RNF128: variants seen among roughly 807,000 people sequenced by gnomAD.
RNF128 encodes ring finger protein 128.
A neutral mutation model predicts 26.2 loss-of-function variants in RNF128; 13 were observed. The ratio of observed to expected loss-of-function variants is 0.50; its 90% CI spans 0.32 to 0.79. The LOEUF is 0.79. RNF128 is among the 30% of genes least tolerant of loss of function. The pLI is 0.03. For synonymous variants in RNF128, 149 were observed against 142.5 expected (o/e 1.05, Z -0.32); for missense variants, 315 against 349.7 (o/e 0.90, Z 0.79).
At chrX:106,741,432 A>T (rs1432037617) in intron 1 of RNF128, among the ~76,000 whole-genome samples, 1 of 111,966 alleles carries the variant, frequency 8.9e-6, no homozygotes, top group Non-Finnish European at 1.9e-5. Context: ...CCAAAGCCCC[A>T]TGTTGGAAGG....
chrX:106,785,132 A>G lies in RNF128; in HGVS notation c.800A>G (p.Asp267Gly). ...CAACTACGCACACTGAAACAAGGAG[A>G]CAAGGTACATTCATGACTTTTAAAT... is the stretch of plus-strand genomic sequence containing the variant. ...RLQLRTLKQG[D>G]KEIGPDGDSC... is the part of the protein sequence containing the mutation. Residue 267 changes from aspartate to glycine, a missense_variant, in exon 3 of 7, where the codon GAC (aspartate) becomes GGC (glycine). By Grantham distance (94) the Asp-to-Gly change is moderately conservative. Coordinates refer to ENST00000255499, the MANE Select transcript of RNF128 (RefSeq NM_194463.2). 2 of 1,175,773 alleles carry G rather than the reference A, an allele frequency of 1.7e-6. No homozygotes were observed. The highest frequency in any genetic ancestry group is 2.3e-6 in the Non-Finnish European group (2 of 876,551).
At position 106,773,719 on chromosome X, in the gene RNF128, C is replaced by A. The variant is rs184203334; in HGVS notation, c.732+559C>A. ...TGGAGTCAAATATTAATAGTTTCTA[C>A]CATATTATAACAGTGTATAAAAAGG... On this transcript the variant is annotated intron_variant, in intron 2 of 6. Transcript: ENST00000255499. Among the ~76,000 whole-genome samples, 294 of 110,884 alleles carry A rather than the reference C, an allele frequency of 2.7e-3. 1 individual carries two copies. Among genetic ancestry groups the A allele is most frequent in the African/African-American group, 9.4e-3 (287 of 30,528 alleles).
intron 2 of RNF128, among the ~76,000 whole-genome samples, chrX:106,777,557 C>T (rs143450595): frequency 2.7e-5 from 3 of 111,830 alleles, no homozygotes; most frequent in South Asian, 3.8e-4. Context: ...CACTTTTACA[C>T]GGATATTCTT....
At chrX:106,743,876 G>A (rs769852495) in intron 1 of RNF128, among the ~76,000 whole-genome samples, 2 of 111,590 alleles carry the variant, frequency 1.8e-5, no homozygotes, top group South Asian at 3.7e-4. Flanking sequence ...ATGATAGACT[G>A]GATTAAGAAA....
At chrX:106,753,271 G>A (rs1929935243) in intron 1 of RNF128, among the ~76,000 whole-genome samples, 1 of 111,626 alleles carries the variant, frequency 9.0e-6, no homozygotes. Flanking sequence ...AGTATAATAA[G>A]ATATGAATAG....
rs200832746 is a variant in RNF128 at position 106,727,221 on chromosome X, C to T, written c.308C>T (p.Thr103Met). 152 of 1,209,840 alleles carry T rather than the reference C, an allele frequency of 1.3e-4. 1 individual carries two copies. Among genetic ancestry groups the T allele is most frequent in the Non-Finnish European group, 1.6e-4 (146 of 894,952 alleles). ...LNACNPHTNF[T>M]VPTVWGSTVQ... ...GCCTGTAACCCGCACACGAATTTCA[C>T]GGTGCCCACGGTTTGGGGAAGCACC... Residue 103 changes from threonine to methionine, a missense_variant, in exon 1 of 7, where the codon ACG (threonine) becomes ATG (methionine). Physicochemically the swap from Thr to Met is moderately conservative, Grantham distance 81. Coordinates refer to ENST00000255499, the MANE Select transcript of RNF128 (RefSeq NM_194463.2).
chrX:106,749,172 A>G (rs923678843), intron 1 of RNF128, among the ~76,000 whole-genome samples: 1 of 111,936 alleles, frequency 8.9e-6, no homozygotes, highest in Non-Finnish European at 1.9e-5. Flanking sequence ...TTCACTTTCT[A>G]TTCCCTAACA....
intron 1 of RNF128, among the ~76,000 whole-genome samples, chrX:106,740,055 G>A (rs150861892): frequency 1.7e-3 from 185 of 111,660 alleles, no homozygotes; most frequent in Middle Eastern, 0.014. Context: ...TGAAGAGAAT[G>A]CACATAAGAA....
chrX:106,788,133 A>G, intron 4 of RNF128, 133 bp downstream of exon 4: 1 of 370,895 alleles, frequency 2.7e-6, no homozygotes, highest in Non-Finnish European at 4.5e-6. Flanking sequence ...CTTCATTTAA[A>G]TATAGAATGG....
intron 4 of RNF128, among the ~76,000 whole-genome samples, chrX:106,788,268 T>C (rs111578359): frequency 1.4e-5 from 1 of 72,813 alleles, no homozygotes; most frequent in Non-Finnish European, 2.5e-5. Flanking sequence ...ACAATTGATA[T>C]ATATGTATTA....
rs1930815168 is a variant in RNF128 at position 106,791,072 on chromosome X, G to A, written c.991G>A (p.Val331Ile). The change falls in exon 6 of 7, where the codon GTT becomes ATT. Residue 331 changes from valine (V) to isoleucine (I), a missense_variant. Physicochemically the swap from Val to Ile is conservative, Grantham distance 29. Transcript: ENST00000255499. ...ILKALGIEVD[V>I]EDGSVSLQVP... Reference sequence around the variant, plus strand: ...TGTTACATGTTCTTTAAAGGTGGATGTTGAAGATGGATCAGTGTCTTTACA... The same window carrying A: ...TGTTACATGTTCTTTAAAGGTGGATATTGAAGATGGATCAGTGTCTTTACA... 8.3e-7 allele frequency: 1 copy of A among 1,203,918 alleles called. No individual in the cohort carries two copies. Among genetic ancestry groups the A allele is most frequent in the Non-Finnish European group, 1.1e-6 (1 of 891,300 alleles).
At position 106,775,526 on chromosome X, in the gene RNF128, C is replaced by T. The variant is rs760822380; in HGVS notation, c.732+2366C>T. Among the ~76,000 whole-genome samples, 16 of 111,607 alleles carry T rather than the reference C, an allele frequency of 1.4e-4. No homozygotes were observed. In the South Asian group the frequency reaches 3.0e-3, roughly 21 times the overall value. ...GGTCAAGAATAGCATTAAAACTTCT[C>T]ATCTATTTGGAGAAGGCTTTTGAAG... On this transcript the variant is annotated intron_variant, in intron 2 of 6. Transcript: ENST00000255499.
chrX:106,768,856 G>T (rs1212065792), intron 1 of RNF128, among the ~76,000 whole-genome samples: 1 of 110,797 alleles, frequency 9.0e-6, no homozygotes, highest in African/African-American at 3.3e-5. Flanking sequence ...GGCATTTAGT[G>T]CTGTAAATTT....
rs188817248 is a variant in RNF128, at chrX:106,766,166, A to C, written c.485-6747A>C. 4.2e-4 allele frequency among the ~76,000 whole-genome samples: 47 copies of C among 111,997 alleles called. No homozygotes were observed. The East Asian group carries it at 7.0e-3, about 17-fold the overall frequency. ...GTCTATGCTATTGTGAATAGTGCCGAAATAAACATACGTGTGCATGTGTCT... is the reference window on the plus strand; with the variant it reads ...GTCTATGCTATTGTGAATAGTGCCGCAATAAACATACGTGTGCATGTGTCT... On this transcript the variant is annotated intron_variant, in intron 1 of 6. Transcript: ENST00000255499.
intron 1 of RNF128, among the ~76,000 whole-genome samples, chrX:106,734,985 C>CACCA (rs1205092408): frequency 8.9e-6 from 1 of 111,952 alleles, no homozygotes; most frequent in Non-Finnish European, 1.9e-5. Context: ...CTTTGCTGTA[C>CACCA]ACCACCACCT....
intron 1 of RNF128, among the ~76,000 whole-genome samples, chrX:106,705,923 T>A (rs1490965597): frequency 8.9e-6 from 1 of 112,151 alleles, no homozygotes; most frequent in Non-Finnish European, 1.9e-5. Context: ...GAGAGGTGGG[T>A]AAATCACATG....
intron 1 of RNF128, among the ~76,000 whole-genome samples, chrX:106,697,053 A>G (rs1410106539): frequency 9.0e-6 from 1 of 111,648 alleles, no homozygotes; most frequent in Admixed American, 9.5e-5. Flanking sequence ...TCCTGGGAAA[A>G]TTGTGACAAG....
chrX:106,772,043 C>A (rs1930382343), intron 1 of RNF128, among the ~76,000 whole-genome samples: 1 of 111,949 alleles, frequency 8.9e-6, no homozygotes, highest in Non-Finnish European at 1.9e-5. Flanking sequence ...TTATTGGTCT[C>A]AGGTCATATA....
intron 1 of RNF128, among the ~76,000 whole-genome samples, chrX:106,767,448 T>A (rs1453337184): frequency 1.8e-5 from 2 of 111,564 alleles, no homozygotes; most frequent in Non-Finnish European, 3.8e-5. Flanking sequence ...TAAGTTAGAT[T>A]CCTAGGTATT....
Sources: allele counts gnomAD v4.1 joint callset (sites outside exome capture counted in the v4.1 genomes callset), GRCh38; gene constraint gnomAD v4.1.1; transcripts MANE v1.5; gene names NCBI Gene and HGNC (gene_info 2026-07-23, HGNC 2026-07-21).